Variants in CEP126 observed in about 807,000 individuals in gnomAD.
CEP126 encodes the protein centrosomal protein of 126 kDa.
Under a neutral mutation model 107.8 loss-of-function variants are expected in CEP126, and 74 were observed. The ratio of observed to expected loss-of-function variants is 0.69; its 90% confidence interval spans 0.57 to 0.83. CEP126 has a LOEUF of 0.83. Among genes scored for constraint, CEP126 ranks in the 40% least tolerant of loss-of-function variants. The pLI, the probability that CEP126 is intolerant of heterozygous loss-of-function variation, is 0.00. For missense variants in CEP126, 1,237 were observed against 1,281.9 expected, an observed-to-expected ratio of 0.96 and a Z score of 0.53; for synonymous variants, 449 against 446.0, an observed-to-expected ratio of 1.01 and a Z score of -0.08.
chr11:101,981,297 CT>C (rs980414762), intron 7 of CEP126, among the ~76,000 whole-genome samples: 1 of 151,976 alleles, frequency 6.6e-6, no homozygotes, highest in African/African-American at 2.4e-5. Context: ...TTAATTAGCA[CT>C]TTTTTTTATT....
At chr11:101,926,084 G>A (rs541327761) in intron 2 of CEP126, among the ~76,000 whole-genome samples, 22 of 152,100 alleles carry the variant, frequency 1.4e-4, no homozygotes, top group Non-Finnish European at 2.8e-4. Context: ...TTCATATTCC[G>A]AAAGATAAAA....
chr11:101,997,822 G>A lies in CEP126; in HGVS notation c.*179G>A. On this transcript the variant is annotated 3_prime_UTR_variant, in exon 11 of 11. Transcript: ENST00000263468. The stretch of plus-strand genomic sequence containing the variant: ...GAGCAGTGACATTTAACAAAGCAGT[G>A]AAGTTTAACAGAGTTCTGAGAATAC... The A allele has an allele frequency of 1.3e-6, 1 of 774,314 alleles. No individual in the cohort carries two copies. The highest frequency in any genetic ancestry group is 2.0e-6 in the Non-Finnish European group (1 of 490,122). The allele number at this position is 774,314 out of a possible 1,614,324, so 48.0% of individuals were successfully genotyped here. A position where few individuals can be genotyped will look rare whatever the true frequency, so the allele number is the denominator to read the frequency against.
intron 3 of CEP126, 61 bp from the exon 4 acceptor site, chr11:101,947,970 T>A: frequency 2.8e-6 from 2 of 725,776 alleles, no homozygotes; most frequent in Non-Finnish European, 2.2e-6. Context: ...TTAAATTATA[T>A]GTAAAGTGAC....
At chr11:101,934,148 C>T (rs561454980) in intron 2 of CEP126, among the ~76,000 whole-genome samples, 4 of 152,176 alleles carry the variant, frequency 2.6e-5, no homozygotes, top group East Asian at 3.9e-4. Flanking sequence ...AAATATACTG[C>T]TTATCCCTAC....
intron 5 of CEP126, among the ~76,000 whole-genome samples, chr11:101,958,822 A>C (rs1459875757): frequency 6.6e-6 from 1 of 152,234 alleles, no homozygotes; most frequent in African/African-American, 2.4e-5. Flanking sequence ...AACCAATATA[A>C]GATTAAATTC....
At chr11:101,987,778 T>G (rs1941332630) in intron 9 of CEP126, among the ~76,000 whole-genome samples, 2 of 152,100 alleles carry the variant, frequency 1.3e-5, no homozygotes, top group South Asian at 4.1e-4. Flanking sequence ...CACACTAATT[T>G]ACAGCCCATA....
At chr11:101,928,730 A>G (rs1940447818) in intron 2 of CEP126, among the ~76,000 whole-genome samples, 1 of 152,044 alleles carries the variant, frequency 6.6e-6, no homozygotes, top group South Asian at 2.1e-4. Flanking sequence ...GGGGTTCTTT[A>G]TTCTGTTCTT....
Position 101,936,650 on chromosome 11 carries a change from G to A in CEP126, c.249-7615G>A, listed in dbSNP as rs140280578. Among the ~76,000 whole-genome samples, 668 of 152,194 alleles carry A rather than the reference G, an allele frequency of 4.4e-3. 5 individuals are homozygous for A. Among genetic ancestry groups the A allele is most frequent in the African/African-American group, 0.015 (643 of 41,530 alleles). On this transcript the variant is annotated intron_variant, in intron 2 of 10. Coordinates refer to ENST00000263468, the MANE Select transcript of CEP126 (RefSeq NM_020802.4). Reference sequence around the variant, plus strand: ...CCCTCTTTGCCTTATACCTTTTGGGGGAAGTATTTACTATTTCACCATTAA... The same window carrying A: ...CCCTCTTTGCCTTATACCTTTTGGGAGAAGTATTTACTATTTCACCATTAA...
At chr11:101,936,626 C>G (rs1412377727) in intron 2 of CEP126, among the ~76,000 whole-genome samples, 1 of 152,018 alleles carries the variant, frequency 6.6e-6, no homozygotes, top group African/African-American at 2.4e-5. Flanking sequence ...TATGAGTAAC[C>G]CTCTTTGCCT....
rs1940407375 is a variant in CEP126 at position 101,926,210 on chromosome 11, G to A, written c.248+3450G>A. Among the ~76,000 whole-genome samples the A allele has an allele frequency of 1.3e-5, 2 of 152,178 alleles. 1 individual carries two copies. Among genetic ancestry groups the A allele is most frequent in the South Asian group, 4.2e-4 (2 of 4,816 alleles). ...CTTACGAGATTCTATGGAAGCACAT[G>A]CCATAGACTTAAAGGACAAGAAAGA... On this transcript the variant is annotated intron_variant, in intron 2 of 10. Coordinates refer to ENST00000263468, the MANE Select transcript of CEP126 (RefSeq NM_020802.4).
At chr11:101,957,947 G>A (rs1005496505) in intron 4 of CEP126, among the ~76,000 whole-genome samples, 4 of 152,144 alleles carry the variant, frequency 2.6e-5, no homozygotes, top group African/African-American at 9.7e-5. Context: ...CTATATGAAG[G>A]TGGAGTTCTT....
intron 10 of CEP126, among the ~76,000 whole-genome samples, chr11:101,994,258 C>G (rs535891349): frequency 1.1e-4 from 16 of 152,278 alleles, no homozygotes; most frequent in Non-Finnish European, 2.2e-4. Flanking sequence ...TAAAAAGATT[C>G]TGGATGTTAG....
At chr11:101,980,298 T>G (rs1941240960) in intron 7 of CEP126, among the ~76,000 whole-genome samples, 1 of 152,186 alleles carries the variant, frequency 6.6e-6, no homozygotes, top group Admixed American at 6.5e-5. Context: ...AAAAACATCT[T>G]TACCCTTATT....
intron 8 of CEP126, among the ~76,000 whole-genome samples, chr11:101,986,274 C>T (rs1357886301): frequency 1.3e-5 from 2 of 152,132 alleles, no homozygotes; most frequent in Admixed American, 6.5e-5. Flanking sequence ...TGAGCCACTG[C>T]ACCCAGCCCA....
chr11:101,946,740 AT>A (rs1435984313), intron 3 of CEP126, among the ~76,000 whole-genome samples: 1 of 151,750 alleles, frequency 6.6e-6, no homozygotes, highest in African/African-American at 2.4e-5. Flanking sequence ...GTTGCCTGTA[AT>A]CCCAACTACT....
At position 101,997,976 on chromosome 11, in the gene CEP126, C is replaced by G. The variant is rs1941462322; in HGVS notation, c.*333C>G. ...CCAAAGAATTCACAGTGCTCCTTTG[C>G]AATTTATAGATTTCATGTTGAAATA... On this transcript the variant is annotated 3_prime_UTR_variant, in exon 11 of 11. Transcript: ENST00000263468. 3 of 218,572 alleles carry G rather than the reference C, an allele frequency of 1.4e-5. No homozygotes were observed. The highest frequency in any genetic ancestry group is 2.7e-5 in the Non-Finnish European group (3 of 111,300). The allele number at this position is 218,572 out of a possible 1,614,324, so 13.5% of individuals were successfully genotyped here. A position where few individuals can be genotyped will look rare whatever the true frequency, so the allele number is the denominator to read the frequency against.
intron 2 of CEP126, among the ~76,000 whole-genome samples, chr11:101,930,964 A>G (rs1358768717): frequency 2.0e-5 from 3 of 152,014 alleles, no homozygotes; most frequent in Non-Finnish European, 4.4e-5. Flanking sequence ...GTCTACCTCC[A>G]TTTTCCCAGA....
intron 8 of CEP126, among the ~76,000 whole-genome samples, chr11:101,983,715 T>G (rs60236476): frequency 4.3e-4 from 65 of 152,310 alleles, no homozygotes; most frequent in East Asian, 2.9e-3. Context: ...TGGTTTGGTG[T>G]TGTTACTCAA....
chr11:101,961,703 G>T (rs1225932105), intron 5 of CEP126, 38 bp from the exon 6 acceptor site: 2 of 1,211,286 alleles, frequency 1.7e-6, no homozygotes, highest in African/African-American at 3.1e-5. Context: ...GCATTTAAAA[G>T]TTTATAAGCT....
Sources: gnomAD v4.1 joint callset for allele counts (sites outside exome capture counted in the v4.1 genomes callset) on GRCh38, gnomAD v4.1.1 for gene constraint, MANE v1.5 for transcripts, NCBI Gene and HGNC (gene_info 2026-07-23, HGNC 2026-07-21) for gene names.